Variants in IRAG2 observed in about 807,000 individuals in gnomAD.
IRAG2 encodes lymphoid restricted membrane protein.
A neutral mutation model predicts 69.9 loss-of-function variants in IRAG2; 45 were observed. That is an observed-to-expected ratio of 0.64 (90% CI 0.51 to 0.83). The LOEUF is 0.83. IRAG2 is among the 40% of genes least tolerant of loss of function. The pLI, the probability that IRAG2 is intolerant of heterozygous loss-of-function variation, is 0.00. For synonymous variants in IRAG2, 193 were observed against 202.4 expected, an observed-to-expected ratio of 0.95 and a Z score of 0.40; for missense variants, 520 against 587.0, an observed-to-expected ratio of 0.89 and a Z score of 1.18.
intron 2 of IRAG2, among the ~76,000 whole-genome samples, chr12:25,011,097 C>T (rs1205082138): frequency 6.6e-6 from 1 of 152,154 alleles, no homozygotes; most frequent in Non-Finnish European, 1.5e-5. Context: ...TAGGTATCAT[C>T]GTCCCCATCT....
exon 14 of IRAG2, chr12:25,035,781 G>T: frequency 2.5e-6 from 1 of 399,034 alleles, no homozygotes; most frequent in Non-Finnish European, 4.4e-6. Context: ...CCACGCTTCA[G>T]AAGCTGGTAT....
chr12:25,054,230 G>A (rs1945076143), intron 1 of IRAG2, among the ~76,000 whole-genome samples: 1 of 152,284 alleles, frequency 6.6e-6, no homozygotes, highest in East Asian at 1.9e-4. Flanking sequence ...CAGTCTGTGT[G>A]TTATTTTACT....
chr12:25,027,214 G>A (rs12578652), intron 9 of IRAG2, among the ~76,000 whole-genome samples: 3,467 of 151,620 alleles, frequency 0.023, 51 homozygotes, highest in East Asian at 0.084. Context: ...CCCACCCACC[G>A]TCCTCTCCCC....
chr12:25,026,887 G>C (rs764800069), intron 9 of IRAG2: 14 of 1,155,046 alleles, frequency 1.2e-5, no homozygotes, highest in Non-Finnish European at 1.3e-5. Flanking sequence ...CCCAAATACT[G>C]GTAAAATATT....
At chr12:25,089,861 T>C in intron 13 of IRAG2, 71 bp downstream of exon 13, 1 of 1,505,144 alleles carries the variant, frequency 6.6e-7, no homozygotes, top group Non-Finnish European at 9.2e-7. Flanking sequence ...TCACTTCATG[T>C]TTTGGCACAA....
chr12:25,079,963 G>T (rs1014787593), intron 9 of IRAG2, among the ~76,000 whole-genome samples, 200 bp downstream of exon 9: 6 of 152,214 alleles, frequency 3.9e-5, no homozygotes, highest in African/African-American at 1.4e-4. Flanking sequence ...TCACACATAA[G>T]GATGGTATCA....
chr12:25,023,009 C>T (rs563504125), intron 7 of IRAG2, among the ~76,000 whole-genome samples: 2 of 151,990 alleles, frequency 1.3e-5, no homozygotes, highest in Non-Finnish European at 2.9e-5. Context: ...GCCTGTAAGT[C>T]TGGCTACTCG....
At chr12:25,043,103 A>G (rs1944763985) in intron 16 of IRAG2, among the ~76,000 whole-genome samples, 1 of 152,170 alleles carries the variant, frequency 6.6e-6, no homozygotes, top group Admixed American at 6.5e-5. Flanking sequence ...ACAACAATAC[A>G]TGAACAAATT....
chr12:25,049,226 G>T (rs996432710), upstream of IRAG2, among the ~76,000 whole-genome samples: 1 of 152,098 alleles, frequency 6.6e-6, no homozygotes, highest in Admixed American at 6.5e-5. Flanking sequence ...TGGCTATTTG[G>T]GTTCTTTTTT....
chr12:25,045,197 G>A (rs1164423637), intron 16 of IRAG2, among the ~76,000 whole-genome samples: 1 of 151,956 alleles, frequency 6.6e-6, no homozygotes, highest in Non-Finnish European at 1.5e-5. Flanking sequence ...TTAGACTTGA[G>A]ACAAATGAAA....
At chr12:25,062,238 A>G (rs970808316) in intron 2 of IRAG2, among the ~76,000 whole-genome samples, 3 of 152,176 alleles carry the variant, frequency 2.0e-5, no homozygotes. Flanking sequence ...GAGGAAAGAA[A>G]GAAGGGTGAT....
chr12:25,071,405 C>A (rs1354776814), intron 6 of IRAG2, among the ~76,000 whole-genome samples: 1 of 152,050 alleles, frequency 6.6e-6, no homozygotes, highest in Admixed American at 6.6e-5. Context: ...TCTTACCTAG[C>A]AATTCTTATA....
At chr12:25,020,340 A>G (rs1944568029) in intron 6 of IRAG2, among the ~76,000 whole-genome samples, 1 of 152,156 alleles carries the variant, frequency 6.6e-6, no homozygotes, top group African/African-American at 2.4e-5. Context: ...TTTAGTTGTC[A>G]TCTCCCTCCA....
chr12:25,036,101 C>T (rs948435793), intron 14 of IRAG2, among the ~76,000 whole-genome samples: 6 of 152,136 alleles, frequency 3.9e-5, no homozygotes, highest in African/African-American at 1.4e-4. Context: ...AAATTTTCTT[C>T]TGGTTAATGG....
chr12:25,079,777 A>T lies in IRAG2; in HGVS notation c.244+14A>T, dbSNP rs1428223999. The T allele has an allele frequency of 1.3e-6, 2 of 1,529,116 alleles. No homozygotes were observed. The highest frequency in any genetic ancestry group is 2.2e-5 in the South Asian group (2 of 89,086). 94.7% of individuals were successfully genotyped at this position (1,529,116 alleles called of 1,614,324 possible). A position where few individuals can be genotyped will look rare whatever the true frequency, so the allele number is the denominator to read the frequency against. On this transcript the variant is annotated intron_variant, in intron 9 of 21. Transcript: ENST00000556887. ...TAGAGGCCCAAGGTAAAATGTTGAC[A>T]GGTGTAAGCATGATTTTAATTCTAA...
intron 16 of IRAG2, among the ~76,000 whole-genome samples, chr12:25,039,747 A>G (rs859198): frequency 0.5 from 75,397 of 152,022 alleles, 19,035 homozygotes; most frequent in Admixed American, 0.57. Context: ...TCTATTTAGC[A>G]ACAAAGAACT....
rs185831569 is a variant in IRAG2 at position 25,043,244 on chromosome 12, A to T, written c.2144+5107A>T. Among the ~76,000 whole-genome samples, 9 of 152,272 alleles carry T rather than the reference A, an allele frequency of 5.9e-5. No individual in the cohort carries two copies. The East Asian group carries it at 1.4e-3, about 23-fold the overall frequency. On this transcript the variant is annotated intron_variant, in intron 16 of 38. Transcript: ENST00000636465. ...TAATCCTTATCCCTAGCTTAGCGCCACGCCAATGGAAAGAAACCTCCAGCT... is the reference window on the plus strand; with the variant it reads ...TAATCCTTATCCCTAGCTTAGCGCCTCGCCAATGGAAAGAAACCTCCAGCT...
chr12:25,063,689 G>A, intron 3 of IRAG2, 31 bp from the exon 4 acceptor site: 1 of 398,396 alleles, frequency 2.5e-6, no homozygotes, highest in East Asian at 3.6e-5. Context: ...CATTCCTTTA[G>A]ATGGCTAATA....
In IRAG2 at chr12:25,107,913, T is replaced by G. The variant is rs763765046; in HGVS notation, c.1353T>G (p.Phe451Leu). ...LWLSIAFIVL[F>L]AALMSFLTGQ... ...TCTCTATTGCATTCATTGTACTGTT[T>G]GCAGCTTTGATGAGCTTCCTCACAG... is the stretch of plus-strand genomic sequence containing the variant. Residue 451 changes from phenylalanine to leucine, a missense_variant, in exon 22 of 22, where the codon TTT becomes TTG. Transcript: ENST00000556887. The G allele has an allele frequency of 4.3e-6, 7 of 1,614,258 alleles. No homozygotes were observed. Among genetic ancestry groups the G allele is most frequent in the Non-Finnish European group, 5.1e-6 (6 of 1,180,046 alleles).
Sources: gnomAD v4.1 joint callset for allele counts (sites outside exome capture counted in the v4.1 genomes callset) on GRCh38, gnomAD v4.1.1 for gene constraint, MANE v1.5 for transcripts, NCBI Gene and HGNC (gene_info 2026-07-23, HGNC 2026-07-21) for gene names.